Variants in ZNF407 observed in about 807,000 individuals in gnomAD.
ZNF407 encodes the protein zinc finger protein 407.
In ZNF407, 17 loss-of-function variants were observed where a neutral mutation model predicts 131.2. The observed-to-expected ratio is 0.13, with a 90% CI of 0.09 to 0.19. ZNF407 has a LOEUF of 0.19. ZNF407 is among the 10% of genes least tolerant of loss of function. The pLI, the probability that ZNF407 is intolerant of heterozygous loss-of-function variation, is 1.00. For synonymous variants in ZNF407, 1,156 were observed against 1,062.0 expected, an observed-to-expected ratio of 1.09 and a Z score of -1.72; for missense variants, 2,681 against 2,830.6, an observed-to-expected ratio of 0.95 and a Z score of 1.20.
Position 74,681,166 on chromosome 18 carries a change from C to T in ZNF407, c.4802+40044C>T, listed in dbSNP as rs968248589. On this transcript the variant is annotated intron_variant, in intron 3 of 8. Transcript: ENST00000299687. ...GAGGGGTAGGACAAAGCCAGAGGAA[C>T]CCCTAAGGTAAAGATGACAGCACCT... Among the ~76,000 whole-genome samples, 8 of 152,044 alleles carry T rather than the reference C, an allele frequency of 5.3e-5. 1 individual carries two copies. The highest frequency in any genetic ancestry group is 1.9e-4 in the African/African-American group (8 of 41,504).
intron 3 of ZNF407, among the ~76,000 whole-genome samples, chr18:74,720,782 A>G (rs1431461634): frequency 6.6e-6 from 1 of 152,098 alleles, no homozygotes; most frequent in Non-Finnish European, 1.5e-5. Context: ...TGTCAAAAAA[A>G]TCAACTCTGT....
intron 3 of ZNF407, among the ~76,000 whole-genome samples, chr18:74,778,155 C>T (rs1432673397): frequency 6.6e-6 from 1 of 152,172 alleles, no homozygotes; most frequent in Non-Finnish European, 1.5e-5. Flanking sequence ...TTCAGTGTTG[C>T]TATTCTCACC....
At chr18:74,797,058 G>C (rs1011684634) in intron 4 of ZNF407, among the ~76,000 whole-genome samples, 22 of 152,182 alleles carry the variant, frequency 1.4e-4, no homozygotes, top group African/African-American at 5.3e-4. Flanking sequence ...GCAAACATAT[G>C]CCTGCTTGTA....
intron 8 of ZNF407, among the ~76,000 whole-genome samples, chr18:74,961,651 C>T (rs1016772135): frequency 2.6e-5 from 4 of 151,160 alleles, no homozygotes; most frequent in African/African-American, 4.9e-5. Context: ...GCCCAGGAGA[C>T]GGAAGCTGCA....
chr18:74,779,088 C>CGTATAT (rs761762103), intron 3 of ZNF407, among the ~76,000 whole-genome samples: 1 of 19,210 alleles, frequency 5.2e-5, no homozygotes, highest in East Asian at 4.7e-3. Context: ...TCATGCTTGG[C>CGTATAT]ATATATATAT....
At chr18:74,676,085 T>C (rs985967957) in intron 3 of ZNF407, among the ~76,000 whole-genome samples, 2 of 152,176 alleles carry the variant, frequency 1.3e-5, no homozygotes, top group African/African-American at 2.4e-5. Context: ...ATGCCTGTGC[T>C]TCCTCTTAGA....
chr18:74,825,750 T>A (rs901902014), intron 4 of ZNF407, among the ~76,000 whole-genome samples: 5 of 152,206 alleles, frequency 3.3e-5, no homozygotes, highest in Non-Finnish European at 7.4e-5. Context: ...GATTCTTATG[T>A]GATCATGCCT....
chr18:75,027,721 T>A (rs936713229), intron 8 of ZNF407, among the ~76,000 whole-genome samples: 1 of 151,872 alleles, frequency 6.6e-6, no homozygotes, highest in Admixed American at 6.6e-5. Context: ...CAAGAGAGGG[T>A]TCAGAGTTCA....
At chr18:74,717,005 G>C (rs1323903088) in intron 3 of ZNF407, among the ~76,000 whole-genome samples, 1 of 151,978 alleles carries the variant, frequency 6.6e-6, no homozygotes, top group Non-Finnish European at 1.5e-5. Context: ...GAGAGAGTGT[G>C]GTATAGTATG....
intron 8 of ZNF407, among the ~76,000 whole-genome samples, chr18:74,996,566 AC>A (rs1972783154): frequency 6.6e-6 from 1 of 152,248 alleles, no homozygotes; most frequent in African/African-American, 2.4e-5. Flanking sequence ...ACCTTTGTGC[AC>A]AGGCAGAGAG....
intron 8 of ZNF407, among the ~76,000 whole-genome samples, chr18:75,019,406 T>C (rs2122198804): frequency 6.6e-6 from 1 of 152,282 alleles, no homozygotes; most frequent in Admixed American, 6.5e-5. Flanking sequence ...CCCATATCCA[T>C]GGTTGTGATT....
At chr18:74,915,513 C>T (rs1971741635) in intron 7 of ZNF407, among the ~76,000 whole-genome samples, 1 of 105,586 alleles carries the variant, frequency 9.5e-6, no homozygotes, top group African/African-American at 3.9e-5. Context: ...CATGTGTGTG[C>T]TGGTATGGTG....
chr18:74,732,844 A>T (rs147507606), intron 3 of ZNF407, among the ~76,000 whole-genome samples: 24 of 152,220 alleles, frequency 1.6e-4, no homozygotes, highest in Admixed American at 9.8e-4. Context: ...GAGTGTTTAC[A>T]TTGTTACATT....
chr18:74,940,991 C>G (rs977468765), intron 8 of ZNF407, among the ~76,000 whole-genome samples: 10 of 152,126 alleles, frequency 6.6e-5, no homozygotes, highest in Non-Finnish European at 1.2e-4. Flanking sequence ...ACACAGACAT[C>G]CCCTTTGTTA....
chr18:74,914,581 A>G (rs1187471191), intron 7 of ZNF407, among the ~76,000 whole-genome samples: 2 of 152,218 alleles, frequency 1.3e-5, no homozygotes, highest in Non-Finnish European at 2.9e-5. Flanking sequence ...CATAGATTAC[A>G]TTCAGTCCTT....
At chr18:75,039,903 C>T (rs530032409) in intron 8 of ZNF407, among the ~76,000 whole-genome samples, 14 of 151,518 alleles carry the variant, frequency 9.2e-5, no homozygotes, top group African/African-American at 2.2e-4. Flanking sequence ...TTCTCATAAG[C>T]GGAATTTCTT....
At chr18:74,960,011 G>A (rs1158976021) in intron 8 of ZNF407, among the ~76,000 whole-genome samples, 1 of 152,220 alleles carries the variant, frequency 6.6e-6, no homozygotes, top group Admixed American at 6.5e-5. Flanking sequence ...AATATCACAA[G>A]TGCTTTCACC....
chr18:74,900,797 CA>C (rs774447058), intron 7 of ZNF407, among the ~76,000 whole-genome samples: 2 of 152,234 alleles, frequency 1.3e-5, no homozygotes, highest in East Asian at 3.9e-4. Context: ...CAGCTTATTC[CA>C]AGTAGTTATG....
At chr18:74,748,834 T>C (rs1968731377) in intron 3 of ZNF407, among the ~76,000 whole-genome samples, 1 of 152,152 alleles carries the variant, frequency 6.6e-6, no homozygotes, top group Non-Finnish European at 1.5e-5. Context: ...TATAGTGCAG[T>C]GACTTCTGAA....
Sources: gnomAD v4.1 joint callset for allele counts (sites outside exome capture counted in the v4.1 genomes callset) on GRCh38, gnomAD v4.1.1 for gene constraint, MANE v1.5 for transcripts, NCBI Gene and HGNC (gene_info 2026-07-23, HGNC 2026-07-21) for gene names.